Variants in SLC39A10 observed in about 807,000 individuals in gnomAD.
The protein encoded by SLC39A10 is solute carrier family 39 member 10.
SLC39A10 carries 13 observed loss-of-function variants against 65.1 expected under a neutral mutation model. The observed-to-expected ratio is 0.20, with a 90% CI of 0.13 to 0.32. The LOEUF is 0.32. SLC39A10 is among the 10% of genes least tolerant of loss of function. The probability of loss-of-function intolerance (pLI) is 1.00; values close to 1 mark genes in which losing one functional copy is unlikely to be tolerated. For missense variants in SLC39A10, 831 were observed against 1,018.4 expected (o/e 0.82, Z 2.50); for synonymous variants, 321 against 342.2 (o/e 0.94, Z 0.68).
intron 2 of SLC39A10, among the ~76,000 whole-genome samples, chr2:195,631,015 C>T (rs190452852): frequency 9.3e-4 from 142 of 152,168 alleles, no homozygotes; most frequent in African/African-American, 3.2e-3. Context: ...AGGGTGAAAT[C>T]CTGTCTTTAC....
Position 195,728,036 on chromosome 2 carries a change from C to A in SLC39A10, c.2147-123C>A. 1 of 831,884 alleles carries A rather than the reference C, an allele frequency of 1.2e-6. No individual in the cohort carries two copies. Among genetic ancestry groups the A allele is most frequent in the Non-Finnish European group, 1.8e-6 (1 of 552,196 alleles). 51.5% of individuals were successfully genotyped at this position (831,884 alleles called of 1,614,324 possible). On this transcript the variant is annotated intron_variant, in intron 8 of 9. Coordinates refer to ENST00000359634, the MANE Select transcript of SLC39A10 (RefSeq NM_020342.3). The surrounding 1 kb of genome is among the most constrained non-coding windows in gnomAD (Gnocchi z 4.4). ...TTAATAAGTAAAATATTTTATATAT[C>A]ACATAAAATACTGTTATTAAAAGTG...
intron 1 of SLC39A10, chr2:195,657,675 AG>A (rs1310179845): frequency 5.1e-6 from 5 of 973,734 alleles, no homozygotes; most frequent in Admixed American, 6.2e-5. Context: ...GGCGGCGGTT[AG>A]GGGGCTGCGC....
At chr2:195,627,095 T>C (rs551660452) in intron 2 of SLC39A10, among the ~76,000 whole-genome samples, 63 of 152,324 alleles carry the variant, frequency 4.1e-4, no homozygotes, top group African/African-American at 1.4e-3. Context: ...TTTTAAAATA[T>C]TACTTTTCTG....
chr2:195,655,808 G>A (rs145972433), upstream of SLC39A10, among the ~76,000 whole-genome samples: 7 of 152,312 alleles, frequency 4.6e-5, no homozygotes, highest in African/African-American at 1.7e-4. Flanking sequence ...TCTGAACTAC[G>A]TATGGCAATC....
At chr2:195,670,768 C>G (rs988038247) in intron 1 of SLC39A10, among the ~76,000 whole-genome samples, 8 of 152,140 alleles carry the variant, frequency 5.3e-5, no homozygotes, top group Non-Finnish European at 1.0e-4. Flanking sequence ...ACTAATTTTA[C>G]AACTTCTTGT....
At chr2:195,691,561 G>A (rs1559036269) in intron 3 of SLC39A10, among the ~76,000 whole-genome samples, 1 of 152,056 alleles carries the variant, frequency 6.6e-6, no homozygotes, top group Non-Finnish European at 1.5e-5. Flanking sequence ...GACCATTCTT[G>A]CAGGAGTGAG....
At chr2:195,697,739 C>T (rs1444242474) in intron 3 of SLC39A10, among the ~76,000 whole-genome samples, 1 of 152,084 alleles carries the variant, frequency 6.6e-6, no homozygotes, top group South Asian at 2.1e-4. Context: ...GAAAAAACGA[C>T]CCCATTAAAA....
intron 3 of SLC39A10, among the ~76,000 whole-genome samples, chr2:195,705,718 TA>T (rs1457213575): frequency 1.3e-5 from 2 of 152,196 alleles, no homozygotes; most frequent in African/African-American, 4.8e-5. Flanking sequence ...TTTCTGTAGA[TA>T]GATCTTAAAA....
At chr2:195,661,855 AGT>A (rs908172294) in intron 1 of SLC39A10, among the ~76,000 whole-genome samples, 2 of 152,232 alleles carry the variant, frequency 1.3e-5, no homozygotes, top group Admixed American at 1.3e-4. Flanking sequence ...ACAATCTAAA[AGT>A]AAATATTTTG....
At chr2:195,725,804 A>G (rs1692213565) in intron 8 of SLC39A10, among the ~76,000 whole-genome samples, 1 of 152,202 alleles carries the variant, frequency 6.6e-6, no homozygotes, top group Admixed American at 6.5e-5. Context: ...ACACAGTAAC[A>G]CGAATGAGTC....
chr2:195,728,239 T>C lies in SLC39A10; in HGVS notation c.2227T>C (p.Tyr743His). ...VYNLLSAMMA[Y>H]IGMLIGTAVG... Reference sequence around the variant, plus strand: ...CAACCTCCTCTCTGCCATGATGGCTTACATAGGCATGCTCATAGGCACAGC... The same window carrying C: ...CAACCTCCTCTCTGCCATGATGGCTCACATAGGCATGCTCATAGGCACAGC... The change falls in exon 9 of 10, where the codon TAC (tyrosine) becomes CAC (histidine). Residue 743 changes from tyrosine (Y) to histidine (H), a missense_variant. Coordinates refer to ENST00000359634, the MANE Select transcript of SLC39A10 (RefSeq NM_020342.3). The surrounding 1 kb of genome is among the most constrained non-coding windows in gnomAD (Gnocchi z 4.4). 3.7e-6 allele frequency: 6 copies of C among 1,614,072 alleles called. No individual in the cohort carries two copies. The highest frequency in any genetic ancestry group is 4.2e-6 in the Non-Finnish European group (5 of 1,179,918).
At chr2:195,686,454 G>A (rs1690527578) in intron 3 of SLC39A10, among the ~76,000 whole-genome samples, 1 of 152,148 alleles carries the variant, frequency 6.6e-6, no homozygotes, top group African/African-American at 2.4e-5. Context: ...GGAGGCTGAG[G>A]CAGGAGAATT....
intron 2 of SLC39A10, among the ~76,000 whole-genome samples, chr2:195,625,115 G>C (rs1316862515): frequency 1.3e-5 from 2 of 149,004 alleles, no homozygotes; most frequent in African/African-American, 2.5e-5. Context: ...TACTTAGGAG[G>C]CTGAGGCATG....
chr2:195,737,062 G>A lies in SLC39A10; in HGVS notation c.*2021G>A, dbSNP rs1051689491. 6.6e-6 allele frequency: 1 copy of A among 152,552 alleles called. No individual in the cohort carries two copies. The highest frequency in any genetic ancestry group is 1.5e-5 in the Non-Finnish European group (1 of 68,012). The allele number at this position is 152,552 out of a possible 1,614,324, so 9.4% of individuals were successfully genotyped here. ...ATGCCTGATTGATTTAAAGCAAGTA[G>A]GTTATGCTGAAGTATATAAAGAAGT... On this transcript the variant is annotated 3_prime_UTR_variant, in exon 10 of 10. Coordinates refer to ENST00000359634, the MANE Select transcript of SLC39A10 (RefSeq NM_020342.3).
chr2:195,681,085 A>G, intron 2 of SLC39A10, 35 bp downstream of exon 2: 6 of 1,559,038 alleles, frequency 3.8e-6, no homozygotes, highest in Non-Finnish European at 5.2e-6. Context: ...GCTGCTTCGT[A>G]ATTCTCACAT....
chr2:195,661,033 ATAT>A (rs1341793186), intron 1 of SLC39A10, among the ~76,000 whole-genome samples: 3 of 152,230 alleles, frequency 2.0e-5, no homozygotes, highest in East Asian at 3.9e-4. Flanking sequence ...TATATCATTA[ATAT>A]TATTTTATGT....
At chr2:195,650,918 TA>T (rs10534486) in intron 2 of SLC39A10, among the ~76,000 whole-genome samples, 55,455 of 147,836 alleles carry the variant, frequency 0.38, 10,908 homozygotes, top group East Asian at 0.66. Context: ...GAAAGGAGTT[TA>T]AAAAAAAAAA....
At chr2:195,721,548 A>G (rs554304819) in intron 8 of SLC39A10, among the ~76,000 whole-genome samples, 39 of 151,750 alleles carry the variant, frequency 2.6e-4, no homozygotes, top group Non-Finnish European at 4.9e-4. Flanking sequence ...TTTTCTTGTT[A>G]GATGCCGTAT....
intron 3 of SLC39A10, among the ~76,000 whole-genome samples, chr2:195,693,761 A>AT (rs1318102013): frequency 6.6e-6 from 1 of 151,690 alleles, no homozygotes; most frequent in Non-Finnish European, 1.5e-5. Flanking sequence ...TTTTTGTTTC[A>AT]TTTATCTTTT....
Sources: gnomAD v4.1 joint callset for allele counts (sites outside exome capture counted in the v4.1 genomes callset) on GRCh38, gnomAD v4.1.1 for gene constraint, Gnocchi (gnomAD v3.1) non-coding constraint, MANE v1.5 for transcripts, NCBI Gene and HGNC (gene_info 2026-07-23, HGNC 2026-07-21) for gene names.